Variants in NWD2 observed in about 807,000 individuals in gnomAD.
The protein encoded by NWD2 is NACHT and WD repeat domain-containing protein 2.
Under a neutral mutation model 132.7 loss-of-function variants are expected in NWD2, and 37 were observed. The ratio of observed to expected loss-of-function variants is 0.28; its 90% CI spans 0.21 to 0.37. The LOEUF (loss-of-function observed/expected upper bound fraction) is 0.37, where lower values mean the gene tolerates loss of function less well. Among genes scored for constraint, NWD2 ranks in the 10% least tolerant of loss-of-function variants. The pLI, the probability that NWD2 is intolerant of heterozygous loss-of-function variation, is 1.00. For synonymous variants in NWD2, 705 were observed against 803.0 expected (o/e 0.88, Z 2.06); for missense variants, 1,592 against 2,122.4 (o/e 0.75, Z 4.91).
chr4:37,253,622 C>G (rs1398792341), intron 1 of NWD2, among the ~76,000 whole-genome samples: 1 of 152,092 alleles, frequency 6.6e-6, no homozygotes, highest in African/African-American at 2.4e-5. Flanking sequence ...GTACAAGCTA[C>G]TAAAGATAAT....
chr4:37,271,630 T>G (rs1369091786), intron 1 of NWD2, among the ~76,000 whole-genome samples: 2 of 151,814 alleles, frequency 1.3e-5, no homozygotes, highest in East Asian at 3.9e-4. Flanking sequence ...CCATATCATC[T>G]AGAATGAGTT....
chr4:37,339,954 GTT>G (rs3028269), intron 2 of NWD2, among the ~76,000 whole-genome samples: 6 of 126,668 alleles, frequency 4.7e-5, no homozygotes, highest in East Asian at 4.4e-4. Flanking sequence ...GTTTCTGGTT[GTT>G]TTTTTTTTTT....
At chr4:37,426,328 G>A (rs949427783) in intron 3 of NWD2, among the ~76,000 whole-genome samples, 2 of 152,164 alleles carry the variant, frequency 1.3e-5, no homozygotes, top group Non-Finnish European at 2.9e-5. Flanking sequence ...AAAAGAGTAA[G>A]GGAGAACAAT....
At chr4:37,382,308 GA>G (rs1720469235) in intron 3 of NWD2, among the ~76,000 whole-genome samples, 1 of 152,170 alleles carries the variant, frequency 6.6e-6, no homozygotes, top group African/African-American at 2.4e-5. Flanking sequence ...AGTGAACCTA[GA>G]TTATTTAGGT....
chr4:37,444,512 A>T lies in NWD2; in HGVS notation c.2524A>T (p.Thr842Ser). ...AATGTCTGAGCTGTTGTACCACTTGACGAGGTGTGGAAAAACCGATGACCT... is the reference window on the plus strand; with the variant it reads ...AATGTCTGAGCTGTTGTACCACTTGTCGAGGTGTGGAAAAACCGATGACCT... ...RKMSELLYHL[T>S]RCGKTDDLLY... is the part of the protein sequence containing the mutation. Residue 842 changes from threonine (T) to serine (S), a missense_variant, in exon 7 of 7, where the codon ACG (threonine) becomes TCG (serine). Thr to Ser is a moderately conservative substitution (Grantham distance 58, BLOSUM62 1). Around this residue, in one of 7 missense-constraint regions of NWD2, gnomAD observed 1,071 missense variants for 1,398.0 expected, o/e 0.77. Coordinates refer to ENST00000309447, the MANE Select transcript of NWD2 (RefSeq NM_001144990.2). The surrounding 1 kb of genome is among the most constrained non-coding windows in gnomAD (Gnocchi z 4.8). The T allele has an allele frequency of 6.4e-7, 1 of 1,551,754 alleles. No individual in the cohort carries two copies. Among genetic ancestry groups the T allele is most frequent in the African/African-American group, 1.4e-5 (1 of 73,122 alleles).
intron 3 of NWD2, among the ~76,000 whole-genome samples, chr4:37,406,168 A>G (rs1463878922): frequency 6.6e-6 from 1 of 152,248 alleles, no homozygotes; most frequent in Non-Finnish European, 1.5e-5. Context: ...ACAAAACGGT[A>G]GAAAATGATT....
At chr4:37,274,193 TAAA>T (rs1260406611) in intron 1 of NWD2, among the ~76,000 whole-genome samples, 25 of 150,982 alleles carry the variant, frequency 1.7e-4, no homozygotes, top group African/African-American at 4.6e-4. Flanking sequence ...GCAAGACTAA[TAAA>T]GAAGAAAAGA....
At chr4:37,393,929 CG>C (rs1186269405) in intron 3 of NWD2, among the ~76,000 whole-genome samples, 2 of 152,156 alleles carry the variant, frequency 1.3e-5, no homozygotes, top group Non-Finnish European at 2.9e-5. Context: ...GTGAAAAGAA[CG>C]GTTCCCCAAT....
chr4:37,350,224 G>A (rs551556689), intron 2 of NWD2, among the ~76,000 whole-genome samples: 11 of 152,330 alleles, frequency 7.2e-5, no homozygotes, highest in African/African-American at 2.4e-4. Flanking sequence ...TGTGAAGAAA[G>A]TCAATGATAG....
intron 2 of NWD2, among the ~76,000 whole-genome samples, chr4:37,328,249 T>TATC (rs901192903): frequency 6.6e-6 from 1 of 152,054 alleles, no homozygotes; most frequent in African/African-American, 2.4e-5. Flanking sequence ...CTTTTCTTTT[T>TATC]ATTATTATTA....
chr4:37,365,110 A>G (rs1264659977), intron 3 of NWD2, among the ~76,000 whole-genome samples: 2 of 152,204 alleles, frequency 1.3e-5, no homozygotes, highest in Non-Finnish European at 2.9e-5. Flanking sequence ...GTCTCCTTAC[A>G]GTTTAGTTTC....
At chr4:37,384,510 C>G (rs1720520445) in intron 3 of NWD2, among the ~76,000 whole-genome samples, 1 of 152,136 alleles carries the variant, frequency 6.6e-6, no homozygotes, top group African/African-American at 2.4e-5. Context: ...TGACAAAAAG[C>G]CATATTCTCT....
intron 1 of NWD2, among the ~76,000 whole-genome samples, chr4:37,320,250 G>A (rs1165878170): frequency 6.6e-6 from 1 of 152,198 alleles, no homozygotes; most frequent in African/African-American, 2.4e-5. Context: ...TCAGGAGCAA[G>A]TAATGGCTGA....
intron 1 of NWD2, among the ~76,000 whole-genome samples, chr4:37,307,245 GT>G (rs139147728): frequency 0.073 from 11,035 of 152,116 alleles, 1,232 homozygotes; most frequent in African/African-American, 0.24. Flanking sequence ...TCTCTCACAT[GT>G]TTTTATGATG....
intron 1 of NWD2, among the ~76,000 whole-genome samples, chr4:37,314,271 T>G (rs2217819): frequency 0.16 from 24,533 of 152,152 alleles, 2,381 homozygotes; most frequent in South Asian, 0.33. Context: ...TTTTTTCTTT[T>G]GATGTCTGTC....
intron 5 of NWD2, among the ~76,000 whole-genome samples, chr4:37,438,558 A>G (rs1281580769): frequency 6.6e-6 from 1 of 152,196 alleles, no homozygotes; most frequent in Non-Finnish European, 1.5e-5. Context: ...TATTATGCTT[A>G]TGTCCAACCT....
chr4:37,292,524 C>T (rs375856724), intron 1 of NWD2, among the ~76,000 whole-genome samples: 1 of 152,130 alleles, frequency 6.6e-6, no homozygotes, highest in African/African-American at 2.4e-5. Flanking sequence ...TTATAAATAT[C>T]CCCACCATAA....
intron 3 of NWD2, among the ~76,000 whole-genome samples, chr4:37,360,848 C>T (rs1252134678): frequency 1.3e-5 from 2 of 152,136 alleles, no homozygotes; most frequent in East Asian, 3.8e-4. Flanking sequence ...TGTCATCCCT[C>T]CAAATGTGGA....
At chr4:37,366,868 A>T (rs898700497) in intron 3 of NWD2, among the ~76,000 whole-genome samples, 3 of 152,196 alleles carry the variant, frequency 2.0e-5, no homozygotes, top group Admixed American at 6.5e-5. Flanking sequence ...AGAAATAGAC[A>T]AATCTACAGT....
Sources: allele counts gnomAD v4.1 joint callset (sites outside exome capture counted in the v4.1 genomes callset), GRCh38; gene constraint gnomAD v4.1.1; regional missense constraint gnomAD v4.1.1; non-coding constraint Gnocchi (gnomAD v3.1); transcripts MANE v1.5; gene names NCBI Gene and HGNC (gene_info 2026-07-23, HGNC 2026-07-21).